Variants in FKTN observed in about 807,000 individuals in gnomAD.
FKTN encodes the protein fukutin, also known as ribitol-5-phosphate transferase FKTN.
Under a neutral mutation model 58.6 loss-of-function variants are expected in FKTN, and 47 were observed. The observed-to-expected ratio is 0.80, with a 90% CI of 0.63 to 1.02. The LOEUF is 1.02. Among genes scored for constraint, FKTN ranks in the 50% least tolerant of loss-of-function variants. The pLI is 0.00. For missense variants in FKTN, 516 were observed against 537.3 expected (o/e 0.96, Z 0.39); for synonymous variants, 178 against 191.9 (o/e 0.93, Z 0.60).
intron 7 of FKTN, 79 bp from the exon 8 acceptor site, chr9:105,615,199 A>T: frequency 2.0e-6 from 3 of 1,517,152 alleles, no homozygotes; most frequent in Non-Finnish European, 2.7e-6. Flanking sequence ...TTAATTTTCA[A>T]ATTTAATTCA....
At chr9:105,585,031 T>A (rs752868440) in intron 3 of FKTN, among the ~76,000 whole-genome samples, 21 of 152,152 alleles carry the variant, frequency 1.4e-4, no homozygotes, top group Non-Finnish European at 2.8e-4. Context: ...CAGATGCTGA[T>A]GAGAGTATAG....
intron 1 of FKTN, among the ~76,000 whole-genome samples, chr9:105,569,069 C>G (rs928330139): frequency 6.6e-6 from 1 of 152,094 alleles, no homozygotes; most frequent in Non-Finnish European, 1.5e-5. Context: ...TGTTCTCACT[C>G]ATAGGTGGGA....
chr9:105,595,856 C>T (rs543069709), intron 3 of FKTN, among the ~76,000 whole-genome samples: 3 of 152,262 alleles, frequency 2.0e-5, no homozygotes, highest in Non-Finnish European at 4.4e-5. Context: ...ATAACGTATG[C>T]ACTCAAGGCA....
At chr9:105,600,439 CTG>C in intron 4 of FKTN, among the ~76,000 whole-genome samples, 1 of 152,212 alleles carries the variant, frequency 6.6e-6, no homozygotes, top group East Asian at 1.9e-4. Flanking sequence ...TTTATCCTTG[CTG>C]TTCTTAGATA....
At chr9:105,622,457 A>T (rs2133260575) in intron 10 of FKTN, among the ~76,000 whole-genome samples, 1 of 152,110 alleles carries the variant, frequency 6.6e-6, no homozygotes, top group Middle Eastern at 3.4e-3. Context: ...AATAAAAAAG[A>T]TAAAGCTTCC....
intron 1 of FKTN, among the ~76,000 whole-genome samples, chr9:105,559,365 C>T (rs1416503886): frequency 6.6e-6 from 1 of 152,052 alleles, no homozygotes; most frequent in East Asian, 1.9e-4. Flanking sequence ...TGGGAGAGGA[C>T]GATAGTTGAC....
intron 5 of FKTN, among the ~76,000 whole-genome samples, chr9:105,602,077 T>C (rs1415601651): frequency 6.6e-6 from 1 of 152,204 alleles, no homozygotes; most frequent in Non-Finnish European, 1.5e-5. Context: ...ATGAATGATA[T>C]TGTTGTTGGC....
Position 105,638,622 on chromosome 9 carries a change from A to G in FKTN, c.*3358A>G. On this transcript the variant is annotated 3_prime_UTR_variant, in exon 11 of 11. Coordinates refer to ENST00000357998, the MANE Select transcript of FKTN (RefSeq NM_001079802.2). ...CCTTCCTAAGGGACCTTTCCCTGGT[A>G]GTAGTGGTCTCATTCACAAAAAAGA... 1 of 985,172 alleles carries G rather than the reference A, an allele frequency of 1.0e-6. No homozygotes were observed. The highest frequency in any genetic ancestry group is 1.7e-5 in the African/African-American group (1 of 57,344). 61.0% of individuals were successfully genotyped at this position (985,172 alleles called of 1,614,324 possible).
intron 8 of FKTN, among the ~76,000 whole-genome samples, chr9:105,617,591 A>G (rs1831046001): frequency 6.6e-6 from 1 of 152,246 alleles, no homozygotes; most frequent in South Asian, 2.1e-4. Flanking sequence ...ACTAAAATAT[A>G]TCATGAAAGT....
intron 3 of FKTN, among the ~76,000 whole-genome samples, chr9:105,577,590 A>G (rs1375356854): frequency 1.4e-5 from 2 of 147,164 alleles, no homozygotes; most frequent in Non-Finnish European, 3.0e-5. Context: ...TATAGTTTGA[A>G]GTCAGGTAGC....
At chr9:105,595,853 A>G (rs1261720203) in intron 3 of FKTN, among the ~76,000 whole-genome samples, 1 of 152,174 alleles carries the variant, frequency 6.6e-6, no homozygotes, top group African/African-American at 2.4e-5. Flanking sequence ...TAGATAACGT[A>G]TGCACTCAAG....
chr9:105,593,154 G>C lies in FKTN; in HGVS notation c.106-3444G>C, dbSNP rs551937207. Among the ~76,000 whole-genome samples, 44 of 152,300 alleles carry C rather than the reference G, an allele frequency of 2.9e-4. 1 individual carries two copies. Among genetic ancestry groups the C allele is most frequent in the African/African-American group, 1.1e-3 (44 of 41,560 alleles). ...TACTGGCATCTGCTTGGCTTCTGTG[G>C]AGGCCTCAGGAAACTTAGAATCATG... On this transcript the variant is annotated intron_variant, in intron 3 of 10. Transcript: ENST00000357998.
intron 7 of FKTN, among the ~76,000 whole-genome samples, chr9:105,608,198 T>C (rs1238574687): frequency 6.6e-6 from 1 of 152,220 alleles, no homozygotes; most frequent in Non-Finnish European, 1.5e-5. Flanking sequence ...TGAATAACTT[T>C]AATAGATTTA....
At chr9:105,559,208 G>A (rs1332608217) in intron 1 of FKTN, among the ~76,000 whole-genome samples, 1 of 152,190 alleles carries the variant, frequency 6.6e-6, no homozygotes, top group Non-Finnish European at 1.5e-5. Context: ...GAGTGCTGAG[G>A]TTGCCAATAA....
chr9:105,596,592 T>A lies in FKTN; in HGVS notation c.106-6T>A. ...TTACTAAAAAGTTCTTTTGTTGTCT[T>A]CCTAGAATGGAGCTGGTTTGTCAAA... On this transcript the variant is annotated splice_region_variant and splice_polypyrimidine_tract_variant and intron_variant, in intron 3 of 10. Transcript: ENST00000357998. 6.2e-7 allele frequency: 1 copy of A among 1,609,450 alleles called. No individual in the cohort carries two copies. The highest frequency in any genetic ancestry group is 2.2e-5 in the East Asian group (1 of 44,840).
chr9:105,573,439 C>T (rs1318914970), intron 1 of FKTN, among the ~76,000 whole-genome samples: 5 of 152,030 alleles, frequency 3.3e-5, no homozygotes, highest in Non-Finnish European at 7.4e-5. Flanking sequence ...GCTTGGGCAA[C>T]ATAGCAAGAC....
intron 3 of FKTN, among the ~76,000 whole-genome samples, chr9:105,581,521 G>A (rs936752477): frequency 7.9e-5 from 12 of 151,204 alleles, no homozygotes; most frequent in African/African-American, 2.2e-4. Flanking sequence ...GCAGTCTGCC[G>A]GTTCTCAGAT....
chr9:105,632,023 G>A (rs1281250926), intron 10 of FKTN, among the ~76,000 whole-genome samples: 1 of 150,264 alleles, frequency 6.7e-6, no homozygotes, highest in Non-Finnish European at 1.5e-5. Context: ...CAACCCAAAT[G>A]TCCAACAATG....
At chr9:105,587,497 C>T (rs1040673056) in intron 3 of FKTN, among the ~76,000 whole-genome samples, 13 of 152,026 alleles carry the variant, frequency 8.6e-5, no homozygotes, top group Admixed American at 3.9e-4. Flanking sequence ...ATGATTTTCC[C>T]TTTATCTTTT....
Sources: gnomAD v4.1 joint callset for allele counts (sites outside exome capture counted in the v4.1 genomes callset) on GRCh38, gnomAD v4.1.1 for gene constraint, MANE v1.5 for transcripts, NCBI Gene and HGNC (gene_info 2026-07-23, HGNC 2026-07-21) for gene names.